SMAP1: variants seen among roughly 807,000 people sequenced by gnomAD.
SMAP1 encodes the protein stromal membrane-associated protein 1.
A neutral mutation model predicts 58.5 loss-of-function variants in SMAP1; 24 were observed. That is an observed-to-expected ratio of 0.41 (90% CI 0.30 to 0.58). SMAP1 has a LOEUF of 0.58. SMAP1 is among the 20% of genes least tolerant of loss of function. SMAP1 has a pLI of 0.29. For synonymous variants in SMAP1, 216 were observed against 196.6 expected, an observed-to-expected ratio of 1.10 and a Z score of -0.82; for missense variants, 563 against 566.3, an observed-to-expected ratio of 0.99 and a Z score of 0.06.
At chr6:70,704,067 C>CT (rs1767742678) in intron 1 of SMAP1, among the ~76,000 whole-genome samples, 1 of 152,178 alleles carries the variant, frequency 6.6e-6, no homozygotes, top group Admixed American at 6.5e-5. Context: ...TAGAAAACAA[C>CT]TCAATATGGT....
In SMAP1 at chr6:70,861,444, C is replaced by T. The variant is rs1171240120; in HGVS notation, c.*1110C>T. On this transcript the variant is annotated 3_prime_UTR_variant, in exon 11 of 11. Transcript: ENST00000370455. The stretch of plus-strand genomic sequence containing the variant: ...ATTTAGTTGTTGTAGAGAAAACATG[C>T]AGAACAAATGAAGACAAAACATACA... 5.6e-6 allele frequency: 3 copies of T among 532,652 alleles called. No homozygotes were observed. Among genetic ancestry groups the T allele is most frequent in the South Asian group, 5.4e-5 (2 of 37,312 alleles). 33.0% of individuals were successfully genotyped at this position (532,652 alleles called of 1,614,324 possible). A position where few individuals can be genotyped will look rare whatever the true frequency, so the allele number is the denominator to read the frequency against.
At chr6:70,832,837 A>G (rs1385337811) in intron 6 of SMAP1, among the ~76,000 whole-genome samples, 1 of 152,164 alleles carries the variant, frequency 6.6e-6, no homozygotes, top group African/African-American at 2.4e-5. Context: ...ATCATCTCTT[A>G]CTAGACTCCA....
chr6:70,809,822 C>G (rs1769308872), intron 6 of SMAP1, among the ~76,000 whole-genome samples: 1 of 152,104 alleles, frequency 6.6e-6, no homozygotes, highest in Non-Finnish European at 1.5e-5. Context: ...TAGCTTAAAG[C>G]TAGATCTTGA....
At chr6:70,761,679 A>G (rs1047769515) in intron 3 of SMAP1, among the ~76,000 whole-genome samples, 3 of 152,070 alleles carry the variant, frequency 2.0e-5, no homozygotes, top group African/African-American at 7.2e-5. Flanking sequence ...TTTGTTAATA[A>G]TAAGAGCTAA....
chr6:70,688,407 T>C (rs1473538042), intron 1 of SMAP1, among the ~76,000 whole-genome samples: 1 of 152,238 alleles, frequency 6.6e-6, no homozygotes, highest in African/African-American at 2.4e-5. Flanking sequence ...TGTACCATTT[T>C]ATACATCTAC....
At chr6:70,797,423 ACT>A (rs1293712916) in intron 5 of SMAP1, among the ~76,000 whole-genome samples, 2 of 151,918 alleles carry the variant, frequency 1.3e-5, no homozygotes, top group African/African-American at 4.8e-5. Context: ...CTCCTGTGTG[ACT>A]CTGTTCCCAA....
intron 6 of SMAP1, among the ~76,000 whole-genome samples, chr6:70,830,889 AGGATTT>A (rs1221385487): frequency 6.6e-6 from 1 of 152,212 alleles, no homozygotes; most frequent in Admixed American, 6.5e-5. Context: ...GCCATGAGAC[AGGATTT>A]TTAGCATGTA....
chr6:70,771,142 A>G (rs777163764), intron 3 of SMAP1, among the ~76,000 whole-genome samples: 6 of 152,112 alleles, frequency 3.9e-5, no homozygotes, highest in Non-Finnish European at 8.8e-5. Context: ...GGCCGTGTGA[A>G]GTGACAGTCT....
chr6:70,796,347 T>A (rs1052147183), intron 5 of SMAP1, among the ~76,000 whole-genome samples: 1 of 152,224 alleles, frequency 6.6e-6, no homozygotes, highest in Non-Finnish European at 1.5e-5. Context: ...GGCTCCATAG[T>A]CCCTCAGTCC....
At chr6:70,685,093 A>G (rs1354603550) in intron 1 of SMAP1, among the ~76,000 whole-genome samples, 1 of 152,140 alleles carries the variant, frequency 6.6e-6, no homozygotes, top group Non-Finnish European at 1.5e-5. Context: ...TAAGGGTTTG[A>G]TAAATGAGTA....
At chr6:70,840,710 GACT>G (rs1320541036) in intron 7 of SMAP1, among the ~76,000 whole-genome samples, 1 of 152,154 alleles carries the variant, frequency 6.6e-6, no homozygotes, top group African/African-American at 2.4e-5. Flanking sequence ...AAAGCTATAG[GACT>G]ACTATTTATT....
intron 1 of SMAP1, among the ~76,000 whole-genome samples, chr6:70,670,554 TAATA>T (rs1240673561): frequency 3.3e-5 from 5 of 152,228 alleles, no homozygotes; most frequent in Admixed American, 2.0e-4. Flanking sequence ...TAGGATGACA[TAATA>T]AATATAGTAC....
chr6:70,823,196 A>G (rs1431686947), intron 6 of SMAP1, among the ~76,000 whole-genome samples: 1 of 152,172 alleles, frequency 6.6e-6, no homozygotes, highest in Non-Finnish European at 1.5e-5. Flanking sequence ...GTAATGTTTT[A>G]ATGAAAGCTA....
chr6:70,706,479 CTTTT>C (rs2149833631), intron 1 of SMAP1, among the ~76,000 whole-genome samples: 1 of 152,222 alleles, frequency 6.6e-6, no homozygotes, highest in Non-Finnish European at 1.5e-5. Context: ...GCATATTATA[CTTTT>C]ATCTGGCTGC....
At chr6:70,844,567 C>T (rs899464327) in intron 7 of SMAP1, among the ~76,000 whole-genome samples, 1 of 152,142 alleles carries the variant, frequency 6.6e-6, no homozygotes, top group African/African-American at 2.4e-5. Flanking sequence ...CTTTTAAGAC[C>T]ATGTTAGTCA....
chr6:70,805,869 C>T (rs1769103272), intron 6 of SMAP1, among the ~76,000 whole-genome samples: 2 of 152,296 alleles, frequency 1.3e-5, no homozygotes, highest in Admixed American at 1.3e-4. Context: ...CTGATCTTTC[C>T]TCTGGAAGCT....
At chr6:70,828,565 T>C (rs543733572) in intron 6 of SMAP1, among the ~76,000 whole-genome samples, 7 of 152,174 alleles carry the variant, frequency 4.6e-5, no homozygotes, top group Non-Finnish European at 8.8e-5. Context: ...ACAACATACT[T>C]CTCCAGGAGT....
At chr6:70,707,237 A>G (rs568834840) in intron 1 of SMAP1, among the ~76,000 whole-genome samples, 1 of 152,364 alleles carries the variant, frequency 6.6e-6, no homozygotes, top group Admixed American at 6.5e-5. Flanking sequence ...AATAAACATC[A>G]TCTCTGAATA....
In SMAP1 at chr6:70,860,701, C is replaced by T; in HGVS notation, c.*367C>T. 2.5e-6 allele frequency: 1 copy of T among 402,260 alleles called. No individual in the cohort carries two copies. Among genetic ancestry groups the T allele is most frequent in the Non-Finnish European group, 4.4e-6 (1 of 227,906 alleles). The allele number at this position is 402,260 out of a possible 1,614,324, so 24.9% of individuals were successfully genotyped here. Reference sequence around the variant, plus strand: ...TACCTCTAATAGTATAAACCCCACCCCAAAATTAGCCAGTAATCCTGTAGG... The same window carrying T: ...TACCTCTAATAGTATAAACCCCACCTCAAAATTAGCCAGTAATCCTGTAGG... On this transcript the variant is annotated 3_prime_UTR_variant, in exon 11 of 11. Transcript: ENST00000370455.
Sources: gnomAD v4.1 joint callset for allele counts (sites outside exome capture counted in the v4.1 genomes callset) on GRCh38, gnomAD v4.1.1 for gene constraint, MANE v1.5 for transcripts, NCBI Gene and HGNC (gene_info 2026-07-23, HGNC 2026-07-21) for gene names.